C3orf20: variants seen among roughly 807,000 people sequenced by gnomAD.
The protein encoded by C3orf20 is family with sequence similarity 149 member C, also known as uncharacterized protein C3orf20.
In C3orf20, 76 loss-of-function variants were observed where a neutral mutation model predicts 88.3. The ratio of observed to expected loss-of-function variants is 0.86; its 90% CI spans 0.72 to 1.04. C3orf20 has a LOEUF of 1.04. C3orf20 is among the 50% of genes least tolerant of loss of function. The pLI, the probability that C3orf20 is intolerant of heterozygous loss-of-function variation, is 0.00. For missense variants in C3orf20, 1,056 were observed against 1,123.3 expected (o/e 0.94, Z 0.86); for synonymous variants, 436 against 437.4 (o/e 1.00, Z 0.04).
intron 10 of C3orf20, among the ~76,000 whole-genome samples, chr3:14,724,417 C>T (rs73137421): frequency 0.011 from 1,636 of 152,262 alleles, 21 homozygotes; most frequent in African/African-American, 0.036. Context: ...CCCAACAAGC[C>T]CCTTAGGCCT....
rs1178489550 is a variant in C3orf20 at position 14,728,458 on chromosome 3, T to C, written c.1710T>C (p.Tyr570=). 1.2e-6 allele frequency: 2 copies of C among 1,614,038 alleles called. No homozygotes were observed. Among genetic ancestry groups the C allele is most frequent in the African/African-American group, 2.7e-5 (2 of 74,904 alleles). The stretch of plus-strand genomic sequence containing the variant: ...TAACAGGTCTGTTTACCATTGAATA[T>C]CCCACCAAAAAGGAGGAGGAAGAAT... ...LLAAGLFTIE[Y]PTKKEEEEFV... The change falls in exon 12 of 17, where the codon TAT becomes TAC. Residue 570 remains tyrosine (Y), a synonymous_variant. Transcript: ENST00000253697.
At chr3:14,730,398 T>A (rs1575134298) in intron 12 of C3orf20, among the ~76,000 whole-genome samples, 4 of 151,804 alleles carry the variant, frequency 2.6e-5, no homozygotes, top group Admixed American at 6.6e-5. Flanking sequence ...ATAGAAAAAA[T>A]TAGCCGGGTG....
chr3:14,682,580 A>T lies in C3orf20; in HGVS notation c.-134A>T. The stretch of plus-strand genomic sequence containing the variant: ...CTTTTCTTGTCCTTTCCGGATAGGA[A>T]CCACTGGCTCAATGACCTGTAAGGG... On this transcript the variant is annotated splice_region_variant and 5_prime_UTR_variant, in exon 3 of 17. Coordinates refer to ENST00000253697, the MANE Select transcript of C3orf20 (RefSeq NM_032137.5). 1 of 1,189,350 alleles carries T rather than the reference A, an allele frequency of 8.4e-7. No homozygotes were observed. The highest frequency in any genetic ancestry group is 1.5e-5 in the South Asian group (1 of 66,976). 73.7% of individuals were successfully genotyped at this position (1,189,350 alleles called of 1,614,324 possible).
intron 10 of C3orf20, among the ~76,000 whole-genome samples, chr3:14,723,870 G>T (rs986940196): frequency 1.3e-5 from 2 of 151,716 alleles, no homozygotes; most frequent in East Asian, 1.9e-4. Context: ...CTGTCGCCCA[G>T]ACTGGAGTGC....
At chr3:14,763,612 T>G (rs1411538954) in intron 15 of C3orf20, among the ~76,000 whole-genome samples, 1 of 152,182 alleles carries the variant, frequency 6.6e-6, no homozygotes, top group East Asian at 1.9e-4. Context: ...CATATTTTAT[T>G]TGGCTCTAGA....
At chr3:14,763,748 G>A (rs548369953) in intron 15 of C3orf20, among the ~76,000 whole-genome samples, 108 of 152,266 alleles carry the variant, frequency 7.1e-4, no homozygotes, top group African/African-American at 2.6e-3. Flanking sequence ...TGTAGAGTGA[G>A]ACTCACTGTA....
intron 10 of C3orf20, among the ~76,000 whole-genome samples, chr3:14,722,731 T>C (rs958859476): frequency 3.3e-5 from 5 of 152,328 alleles, no homozygotes; most frequent in Admixed American, 6.5e-5. Flanking sequence ...TCAAATTAAA[T>C]CTTTACCAAA....
At chr3:14,740,814 T>C (rs1053265656) in intron 12 of C3orf20, among the ~76,000 whole-genome samples, 1 of 152,238 alleles carries the variant, frequency 6.6e-6, no homozygotes, top group Non-Finnish European at 1.5e-5. Flanking sequence ...CTTGATCTTA[T>C]TTATTCTATT....
intron 9 of C3orf20, among the ~76,000 whole-genome samples, chr3:14,720,872 A>G (rs980725015): frequency 6.6e-6 from 1 of 152,250 alleles, no homozygotes; most frequent in Non-Finnish European, 1.5e-5. Flanking sequence ...TAGCCGTTCA[A>G]TGATTTCATG....
chr3:14,678,873 TG>T (rs1346851568), intron 1 of C3orf20, among the ~76,000 whole-genome samples: 3 of 152,206 alleles, frequency 2.0e-5, no homozygotes, highest in Non-Finnish European at 4.4e-5. Flanking sequence ...AGTATTTGCA[TG>T]GAGTATTTGA....
In C3orf20 at chr3:14,715,370, G is replaced by A; in HGVS notation, c.1395G>A (p.Trp465Ter). The stretch of plus-strand genomic sequence containing the variant: ...GCTATGTAGTCCACAAGTGGAGCTG[G>A]ACTTCCAGGACAGAGACCCTGCTTT... The part of the protein sequence containing the change: ...QQGYVVHKWS[W>*]TSRTETLLSL... Residue 465 changes from tryptophan to a stop codon, truncating the protein, a stop_gained, in exon 9 of 17, where the codon TGG (tryptophan) becomes TGA (stop). Transcript: ENST00000253697. LOFTEE classifies it high-confidence loss of function. 6.2e-7 allele frequency: 1 copy of A among 1,612,474 alleles called. No homozygotes were observed. Among genetic ancestry groups the A allele is most frequent in the South Asian group, 1.1e-5 (1 of 90,948 alleles).
At chr3:14,764,797 A>T (rs1486594760) in intron 15 of C3orf20, among the ~76,000 whole-genome samples, 1 of 152,172 alleles carries the variant, frequency 6.6e-6, no homozygotes, top group Non-Finnish European at 1.5e-5. Context: ...GGCCAGCGAG[A>T]AGCTGTCTTG....
chr3:14,686,829 T>A (rs2032455753), intron 4 of C3orf20, among the ~76,000 whole-genome samples: 1 of 152,196 alleles, frequency 6.6e-6, no homozygotes, highest in South Asian at 2.1e-4. Flanking sequence ...GTAGAGTCAG[T>A]CCCCATTTAG....
intron 10 of C3orf20, among the ~76,000 whole-genome samples, chr3:14,723,457 G>T (rs1303430705): frequency 6.6e-6 from 1 of 152,238 alleles, no homozygotes; most frequent in East Asian, 1.9e-4. Flanking sequence ...GGCTGCTGGA[G>T]ATGTAGAAAT....
chr3:14,685,990 T>C lies in C3orf20; in HGVS notation c.625+1608T>C, dbSNP rs1187725587. 2.0e-5 allele frequency among the ~76,000 whole-genome samples: 3 copies of C among 151,018 alleles called. No individual in the cohort carries two copies. In the East Asian group the frequency reaches 5.9e-4, roughly 30 times the overall value. ...CATTCTCCTGCCTCAGCCTCCCGAG[T>C]AGCTGGGACAACAGGTGTGTGCCAC... On this transcript the variant is annotated intron_variant, in intron 4 of 16. Transcript: ENST00000253697.
rs1286567408 is a variant in C3orf20 at position 14,764,507 on chromosome 3, A to ATTATTATTGTTG, written c.2495+2894_2495+2895insATTATTGTTGTT. Among the ~76,000 whole-genome samples, 263 of 132,824 alleles carry ATTATTATTGTTG rather than the reference A, an allele frequency of 2.0e-3. 2 individuals carry two copies. Among genetic ancestry groups the ATTATTATTGTTG allele is most frequent in the African/African-American group, 7.8e-3 (255 of 32,770 alleles). 87.1% of individuals were successfully genotyped at this position (132,824 alleles called of 152,430 possible). On this transcript the variant is annotated intron_variant, in intron 15 of 16. Coordinates refer to ENST00000253697, the MANE Select transcript of C3orf20 (RefSeq NM_032137.5). The stretch of plus-strand genomic sequence containing the variant: ...TATTATTATTATTATTATTATTATT[A>ATTATTATTGTTG]TTGTTGTTGTTGTTGTTGTTGTTGT...
intron 15 of C3orf20, chr3:14,765,057 C>G (rs1289487720): frequency 1.3e-5 from 2 of 152,240 alleles, no homozygotes; most frequent in African/African-American, 4.8e-5. Flanking sequence ...CCAGAAGATA[C>G]TGGGTGAAAT....
rs1410177839 is a variant in C3orf20, at chr3:14,720,557, TG to T, written c.1435-1095del. Among the ~76,000 whole-genome samples, 5 of 151,794 alleles carry T rather than the reference TG, an allele frequency of 3.3e-5. No homozygotes were observed. In the East Asian group the frequency reaches 9.7e-4, roughly 29 times the overall value. On this transcript the variant is annotated intron_variant, in intron 9 of 16. Transcript: ENST00000253697. ...TGGTTGTTGTTGTTGTTGTTGTTGT[TG>T]TTGTTGTTGTTGTTGTTGTTGTTGT...
chr3:14,682,010 A>G (rs2124881852), intron 1 of C3orf20, among the ~76,000 whole-genome samples, 160 bp from the exon 2 acceptor site: 1 of 152,360 alleles, frequency 6.6e-6, no homozygotes, highest in Middle Eastern at 3.4e-3. Context: ...CTGAAATTGT[A>G]ATATGTCTTA....
Sources: allele counts gnomAD v4.1 joint callset (sites outside exome capture counted in the v4.1 genomes callset), GRCh38; gene constraint gnomAD v4.1.1; transcripts MANE v1.5; gene names NCBI Gene and HGNC (gene_info 2026-07-23, HGNC 2026-07-21).